Variants in SLIT3 observed in about 807,000 individuals in gnomAD.
SLIT3 encodes the protein slit guidance ligand 3.
A neutral mutation model predicts 184.0 loss-of-function variants in SLIT3; 68 were observed. The observed-to-expected ratio is 0.37, with a 90% CI of 0.30 to 0.45. The LOEUF (loss-of-function observed/expected upper bound fraction) is 0.45, where lower values mean the gene tolerates loss of function less well. Among genes scored for constraint, SLIT3 ranks in the 20% least tolerant of loss-of-function variants. The pLI is 1.00. For missense variants in SLIT3, 1,707 were observed against 2,026.0 expected (o/e 0.84, Z 3.02); for synonymous variants, 831 against 828.6 (o/e 1.00, Z -0.05).
intron 2 of SLIT3, among the ~76,000 whole-genome samples, chr5:169,246,896 T>C (rs1372652696): frequency 8.5e-6 from 1 of 117,756 alleles, no homozygotes; most frequent in Non-Finnish European, 1.6e-5. Context: ...TACTCCAGCC[T>C]GGGTGACAGA....
At chr5:168,966,732 A>T (rs926883293) in intron 4 of SLIT3, among the ~76,000 whole-genome samples, 4 of 152,176 alleles carry the variant, frequency 2.6e-5, no homozygotes, top group African/African-American at 9.7e-5. Context: ...AGAGAGATGC[A>T]AGTCAGAGTT....
At chr5:169,169,117 G>A (rs1762737741) in intron 4 of SLIT3, among the ~76,000 whole-genome samples, 1 of 152,184 alleles carries the variant, frequency 6.6e-6, no homozygotes, top group South Asian at 2.1e-4. Context: ...CAATCTCTAG[G>A]TGCCGGCTCC....
At chr5:168,734,924 C>T (rs554902704) in intron 20 of SLIT3, among the ~76,000 whole-genome samples, 4 of 152,272 alleles carry the variant, frequency 2.6e-5, no homozygotes, top group East Asian at 1.9e-4. Flanking sequence ...AGAATGTCCC[C>T]GGCGACCTGG....
intron 3 of SLIT3, among the ~76,000 whole-genome samples, chr5:169,215,378 C>T (rs1375047979): frequency 6.6e-6 from 1 of 152,184 alleles, no homozygotes; most frequent in Non-Finnish European, 1.5e-5. Context: ...TGTCTACTCC[C>T]AGAGTCCTCT....
At chr5:169,068,100 C>T (rs1448461582) in intron 4 of SLIT3, among the ~76,000 whole-genome samples, 1 of 152,110 alleles carries the variant, frequency 6.6e-6, no homozygotes, top group East Asian at 1.9e-4. Flanking sequence ...GTGAACTGTG[C>T]AGCTTGGAAA....
chr5:168,920,514 G>T (rs1004422280), intron 4 of SLIT3, among the ~76,000 whole-genome samples: 3 of 152,128 alleles, frequency 2.0e-5, no homozygotes, highest in Non-Finnish European at 2.9e-5. Flanking sequence ...AGACCATCAC[G>T]GCGGCACGGA....
intron 9 of SLIT3, among the ~76,000 whole-genome samples, chr5:168,796,706 TC>T (rs1756576284): frequency 6.6e-6 from 1 of 152,112 alleles, no homozygotes; most frequent in Non-Finnish European, 1.5e-5. Context: ...TGAAGAGTAA[TC>T]CCCGCTGTAG....
intron 3 of SLIT3, among the ~76,000 whole-genome samples, chr5:169,197,928 T>G (rs1316787790): frequency 6.6e-6 from 1 of 152,244 alleles, no homozygotes; most frequent in Non-Finnish European, 1.5e-5. Flanking sequence ...CCTTTCTAGA[T>G]GTACCTGGGT....
intron 3 of SLIT3, among the ~76,000 whole-genome samples, chr5:169,229,114 G>T (rs949895890): frequency 6.6e-6 from 1 of 152,144 alleles, no homozygotes; most frequent in African/African-American, 2.4e-5. Flanking sequence ...GAGAGAGGGA[G>T]ACATAAGCAT....
intron 5 of SLIT3, among the ~76,000 whole-genome samples, chr5:168,849,425 G>A (rs1175325270): frequency 1.3e-5 from 2 of 152,210 alleles, no homozygotes; most frequent in African/African-American, 2.4e-5. Flanking sequence ...TTAACAATTT[G>A]CTAATTTCTG....
intron 23 of SLIT3, among the ~76,000 whole-genome samples, chr5:168,719,038 A>C (rs1234455571): frequency 1.3e-5 from 2 of 152,170 alleles, no homozygotes; most frequent in Non-Finnish European, 2.9e-5. Flanking sequence ...TACCATCTTC[A>C]TTCATCTTTA....
At chr5:169,158,247 T>C (rs1394492272) in intron 4 of SLIT3, among the ~76,000 whole-genome samples, 1 of 152,120 alleles carries the variant, frequency 6.6e-6, no homozygotes, top group Non-Finnish European at 1.5e-5. Flanking sequence ...CTGACTTACC[T>C]ACAGGGGAAA....
chr5:169,272,320 C>G (rs1440864971), intron 1 of SLIT3, among the ~76,000 whole-genome samples: 1 of 152,252 alleles, frequency 6.6e-6, no homozygotes, highest in African/African-American at 2.4e-5. Flanking sequence ...AATGTTGGCT[C>G]TGCAAGCAGC....
chr5:168,773,550 A>G (rs1193326330), intron 13 of SLIT3, among the ~76,000 whole-genome samples: 1 of 152,110 alleles, frequency 6.6e-6, no homozygotes, highest in African/African-American at 2.4e-5. Context: ...TACAGAGGCA[A>G]CAAGCACCAG....
At chr5:168,723,945 G>A (rs1194146453) in intron 21 of SLIT3, among the ~76,000 whole-genome samples, 1 of 152,188 alleles carries the variant, frequency 6.6e-6, no homozygotes, top group Non-Finnish European at 1.5e-5. Flanking sequence ...GGGCACTTGT[G>A]CTCCCTCAGT....
At chr5:168,976,462 C>T (rs1017241212) in intron 4 of SLIT3, among the ~76,000 whole-genome samples, 4 of 152,118 alleles carry the variant, frequency 2.6e-5, no homozygotes, top group Non-Finnish European at 5.9e-5. Context: ...GCATTCCATG[C>T]TAACCATCAT....
intron 3 of SLIT3, among the ~76,000 whole-genome samples, chr5:169,208,773 CAAAAATTAAGATGGATTAAAGACTT>C (rs1764158663): frequency 6.6e-6 from 1 of 152,012 alleles, no homozygotes; most frequent in Non-Finnish European, 1.5e-5. Flanking sequence ...ATACCTTAGA[CAAAAATTAAGATGGATTAAAGACTT>C]AAAAATTAAG....
At chr5:169,230,238 C>T (rs2113550508) in intron 3 of SLIT3, among the ~76,000 whole-genome samples, 1 of 152,284 alleles carries the variant, frequency 6.6e-6, no homozygotes, top group Admixed American at 6.5e-5. Context: ...CTCGCAGCTG[C>T]TAAGAAAGTT....
At chr5:168,895,215 C>T (rs1561992912) in intron 4 of SLIT3, among the ~76,000 whole-genome samples, 1 of 152,126 alleles carries the variant, frequency 6.6e-6, no homozygotes, top group Non-Finnish European at 1.5e-5. Context: ...TCCGGATCTA[C>T]CTAACCCTAA....
Sources: allele counts gnomAD v4.1 joint callset (sites outside exome capture counted in the v4.1 genomes callset), GRCh38; gene constraint gnomAD v4.1.1; transcripts MANE v1.5; gene names NCBI Gene and HGNC (gene_info 2026-07-23, HGNC 2026-07-21).